SOX6: variants seen among roughly 807,000 people sequenced by gnomAD.
The protein encoded by SOX6 is transcription factor SOX-6.
SOX6 carries 11 observed loss-of-function variants against 97.8 expected under a neutral mutation model. That is an observed-to-expected ratio of 0.11 (90% confidence interval 0.07 to 0.19). The LOEUF is 0.19. Among genes scored for constraint, SOX6 ranks in the 10% least tolerant of loss-of-function variants. The pLI is 1.00. For missense variants in SOX6, 810 were observed against 1,039.5 expected, an observed-to-expected ratio of 0.78 and a Z score of 3.04; for synonymous variants, 360 against 371.4, an observed-to-expected ratio of 0.97 and a Z score of 0.35.
At chr11:16,501,761 G>A (rs1346697305) in intron 4 of SOX6, among the ~76,000 whole-genome samples, 5 of 152,288 alleles carry the variant, frequency 3.3e-5, no homozygotes, top group African/African-American at 9.6e-5. Context: ...ACCACAATGA[G>A]ATACCATCTT....
Position 16,132,505 on chromosome 11 carries a change from A to AAAGAAAGCAAGCAAGCAAGCAAGC in SOX6, c.778-20583_778-20582insGCTTGCTTGCTTGCTTGCTTTCTT, listed in dbSNP as rs1451899878. ...GAAAGAAAGAAAGAAAGAAAGAAAG[A>AAAGAAAGCAAGCAAGCAAGCAAGC]AAGCTTATCTTTGTATCTAGGAAGA... On this transcript the variant is annotated intron_variant, in intron 6 of 15. Transcript: ENST00000683767. 1.3e-3 allele frequency among the ~76,000 whole-genome samples: 108 copies of AAAGAAAGCAAGCAAGCAAGCAAGC among 86,198 alleles called. 11 individuals carry two copies. Among genetic ancestry groups the AAAGAAAGCAAGCAAGCAAGCAAGC allele is most frequent in the Non-Finnish European group, 1.9e-3 (73 of 38,474 alleles). The allele number at this position is 86,198 out of a possible 152,430, so 56.5% of individuals were successfully genotyped here. A position where few individuals can be genotyped will look rare whatever the true frequency, so the allele number is the denominator to read the frequency against.
At chr11:16,699,242 G>T (rs561546736) in intron 3 of SOX6, among the ~76,000 whole-genome samples, 28 of 151,882 alleles carry the variant, frequency 1.8e-4, no homozygotes, top group Non-Finnish European at 3.5e-4. Flanking sequence ...CTTAGGAATT[G>T]GATATTACTA....
chr11:16,585,831 T>A (rs961629965), intron 4 of SOX6, among the ~76,000 whole-genome samples: 7 of 151,898 alleles, frequency 4.6e-5, no homozygotes, highest in Non-Finnish European at 7.4e-5. Flanking sequence ...TACAGGCACA[T>A]GCCACCACAC....
At position 16,327,112 on chromosome 11, in the gene SOX6, C is replaced by T. The variant is rs117361486; in HGVS notation, c.238-8459G>A. ...GTTTCTAACTTAGCCTGGGAAATCA[C>T]GCTGTATAACTGTCACTGCATTCTA... On this transcript the variant is annotated intron_variant, in intron 2 of 15. Transcript: ENST00000683767. Among the ~76,000 whole-genome samples, 10 of 152,248 alleles carry T rather than the reference C, an allele frequency of 6.6e-5. No individual in the cohort carries two copies. The South Asian group carries it at 1.0e-3, about 16-fold the overall frequency.
chr11:16,499,088 C>T (rs1206160901), intron 4 of SOX6, among the ~76,000 whole-genome samples: 3 of 152,182 alleles, frequency 2.0e-5, no homozygotes, highest in African/African-American at 7.2e-5. Context: ...TGTAAAAGAA[C>T]AGAAATTATA....
chr11:16,378,302 C>A (rs1299001002), intron 1 of SOX6, among the ~76,000 whole-genome samples: 3 of 151,904 alleles, frequency 2.0e-5, no homozygotes, highest in Non-Finnish European at 4.4e-5. Flanking sequence ...TAGTATAATT[C>A]TATTAAAATC....
intron 2 of SOX6, 81 bp from the exon 3 acceptor site, chr11:16,318,734 A>G: frequency 1.8e-6 from 2 of 1,098,298 alleles, no homozygotes; most frequent in East Asian, 2.5e-5. Flanking sequence ...CAAACTGAGG[A>G]CAGTATATGA....
At chr11:16,563,861 G>C (rs879336674) in intron 4 of SOX6, among the ~76,000 whole-genome samples, 1 of 152,038 alleles carries the variant, frequency 6.6e-6, no homozygotes, top group African/African-American at 2.4e-5. Context: ...AGCATCCAAA[G>C]AAAAATGACA....
intron 1 of SOX6, among the ~76,000 whole-genome samples, chr11:16,393,794 C>A (rs1397916541): frequency 6.6e-6 from 1 of 151,998 alleles, no homozygotes; most frequent in Non-Finnish European, 1.5e-5. Context: ...TTGTTAACTA[C>A]TTTGCATCTT....
intron 4 of SOX6, among the ~76,000 whole-genome samples, chr11:16,507,569 A>G (rs1441116478): frequency 6.6e-6 from 1 of 152,214 alleles, no homozygotes; most frequent in Non-Finnish European, 1.5e-5. Context: ...CAAAACAGAC[A>G]TAGACAAATG....
intron 1 of SOX6, among the ~76,000 whole-genome samples, chr11:16,736,659 T>A (rs1848393347): frequency 6.6e-6 from 1 of 152,238 alleles, no homozygotes; most frequent in Non-Finnish European, 1.5e-5. Flanking sequence ...AGCTAATAGT[T>A]CTAAATCACC....
At chr11:16,396,985 C>A (rs1267501446) in intron 1 of SOX6, among the ~76,000 whole-genome samples, 1 of 151,292 alleles carries the variant, frequency 6.6e-6, no homozygotes, top group African/African-American at 2.4e-5. Flanking sequence ...ATATCAGAAC[C>A]TATAACAGTT....
chr11:16,267,921 A>G (rs750362779), intron 3 of SOX6, among the ~76,000 whole-genome samples: 12 of 151,542 alleles, frequency 7.9e-5, no homozygotes, highest in Non-Finnish European at 1.8e-4. Flanking sequence ...GGAGAACATC[A>G]TGCTAAGTCA....
intron 4 of SOX6, among the ~76,000 whole-genome samples, chr11:16,602,298 C>T (rs1226698328): frequency 6.6e-6 from 1 of 152,126 alleles, no homozygotes; most frequent in Non-Finnish European, 1.5e-5. Context: ...ATGAGAAAAG[C>T]AACAGAGGAT....
intron 10 of SOX6, 99 bp from the exon 11 acceptor site, chr11:16,050,037 C>T (rs1564926598): frequency 1.7e-6 from 2 of 1,189,556 alleles, no homozygotes; most frequent in Non-Finnish European, 1.3e-6. Flanking sequence ...GAGACAATGC[C>T]ACATTCTCCT....
chr11:16,075,053 G>C (rs568930742), intron 9 of SOX6, among the ~76,000 whole-genome samples: 53 of 152,210 alleles, frequency 3.5e-4, no homozygotes, highest in African/African-American at 1.3e-3. Flanking sequence ...CAATGGAACA[G>C]AATATAGAGC....
At chr11:16,252,974 C>T (rs1330683385) in intron 3 of SOX6, among the ~76,000 whole-genome samples, 6 of 152,230 alleles carry the variant, frequency 3.9e-5, no homozygotes, top group African/African-American at 9.6e-5. Flanking sequence ...CTATTTATTA[C>T]GGTTCCTTTT....
intron 1 of SOX6, among the ~76,000 whole-genome samples, chr11:16,428,569 T>A (rs1193608208): frequency 6.6e-6 from 1 of 152,224 alleles, no homozygotes; most frequent in Non-Finnish European, 1.5e-5. Context: ...CCAGCACCAT[T>A]TATTAAATAG....
chr11:16,324,774 G>A (rs921057033), intron 2 of SOX6, among the ~76,000 whole-genome samples: 2 of 152,088 alleles, frequency 1.3e-5, no homozygotes, highest in African/African-American at 4.8e-5. Flanking sequence ...ATAAAATTCT[G>A]TTATTTGCAA....
Sources: allele counts gnomAD v4.1 joint callset (sites outside exome capture counted in the v4.1 genomes callset), GRCh38; gene constraint gnomAD v4.1.1; transcripts MANE v1.5; gene names NCBI Gene and HGNC (gene_info 2026-07-23, HGNC 2026-07-21).